Variants in RPS6KA3 observed in about 807,000 individuals in gnomAD.
RPS6KA3 encodes ribosomal protein S6 kinase A3.
RPS6KA3 carries 4 observed loss-of-function variants against 67.2 expected under a neutral mutation model. The ratio of observed to expected loss-of-function variants is 0.06; its 90% CI spans 0.03 to 0.14. The LOEUF is 0.14. Ranked by LOEUF, RPS6KA3 falls within the 10% of genes least tolerant of loss-of-function variation. The pLI is 1.00. For missense variants in RPS6KA3, 204 were observed against 559.0 expected (o/e 0.36, Z 6.40); for synonymous variants, 182 against 183.7 (o/e 0.99, Z 0.07).
At chrX:20,166,752 C>A (rs1449005971) in intron 17 of RPS6KA3, among the ~76,000 whole-genome samples, 1 of 83,456 alleles carries the variant, frequency 1.2e-5, no homozygotes, top group African/African-American at 4.7e-5. Context: ...GAGTCTCACT[C>A]TGTTGCCCAG....
chrX:20,218,257 T>C (rs2068905652), intron 2 of RPS6KA3, among the ~76,000 whole-genome samples: 1 of 112,099 alleles, frequency 8.9e-6, no homozygotes, highest in Non-Finnish European at 1.9e-5. Context: ...TCTTTGAAAA[T>C]TGTTCCTACT....
upstream of RPS6KA3, chrX:20,266,951 C>G (rs1363621202): frequency 1.2e-5 from 9 of 724,513 alleles, no homozygotes; most frequent in East Asian, 1.6e-4. Context: ...CTCCGCCCCC[C>G]CCGCCGGTTC....
chrX:20,195,223 T>C lies in RPS6KA3; in HGVS notation c.326-78A>G, dbSNP rs1385991199. 1.8e-5 allele frequency: 12 copies of C among 662,917 alleles called. No individual in the cohort carries two copies. In the East Asian group the frequency reaches 4.1e-4, roughly 23 times the overall value. The allele number at this position is 662,917 out of a possible 1,213,427, so 54.6% of individuals were successfully genotyped here. On this transcript the variant is annotated intron_variant, in intron 4 of 21. Coordinates refer to ENST00000379565, the MANE Select transcript of RPS6KA3 (RefSeq NM_004586.3). ...CAAAACAAATTCTTTTTGGTGCCCATGTTAAATAAAATTTTGCTTATGTGT... is the reference window on the plus strand; with the variant it reads ...CAAAACAAATTCTTTTTGGTGCCCACGTTAAATAAAATTTTGCTTATGTGT...
intron 3 of RPS6KA3, among the ~76,000 whole-genome samples, chrX:20,205,522 C>T (rs1324621660): frequency 4.5e-5 from 5 of 112,191 alleles, no homozygotes; most frequent in African/African-American, 1.3e-4. Context: ...CACCACAACT[C>T]GCGGAGAAAC....
At chrX:20,179,818 T>C (rs1345887649) in intron 10 of RPS6KA3, among the ~76,000 whole-genome samples, 1 of 111,268 alleles carries the variant, frequency 9.0e-6, no homozygotes, top group Non-Finnish European at 1.9e-5. Flanking sequence ...GGCTGGTGCA[T>C]AGTGGCTCAT....
Position 20,163,051 on chromosome X carries a change from T to C in RPS6KA3, c.1765-11A>G. The C allele has an allele frequency of 9.0e-7, 1 of 1,107,687 alleles. No individual in the cohort carries two copies. The highest frequency in any genetic ancestry group is 1.2e-6 in the Non-Finnish European group (1 of 800,970). The allele number at this position is 1,107,687 out of a possible 1,213,427, so 91.3% of individuals were successfully genotyped here. ...TTGTCTTTTTAAAACCTAGAAAAAG[T>C]GCAAAATTAGTATTACTATACCACC... On this transcript the variant is annotated splice_polypyrimidine_tract_variant and intron_variant, in intron 18 of 21. Transcript: ENST00000379565.
chrX:20,175,556 T>C (rs1244840532), intron 13 of RPS6KA3, among the ~76,000 whole-genome samples: 1 of 111,665 alleles, frequency 9.0e-6, no homozygotes, highest in African/African-American at 3.3e-5. Context: ...AATTATAGGG[T>C]TAATGGTATT....
Position 20,155,066 on chromosome X carries a change from A to G in RPS6KA3, c.*332T>C. 1 of 266,190 alleles carries G rather than the reference A, an allele frequency of 3.8e-6. No individual in the cohort carries two copies. Among genetic ancestry groups the G allele is most frequent in the Non-Finnish European group, 6.9e-6 (1 of 145,664 alleles). The allele number at this position is 266,190 out of a possible 1,213,427, so 21.9% of individuals were successfully genotyped here. The stretch of plus-strand genomic sequence containing the variant: ...AAAGAATATTTAAGGGACATGAAAT[A>G]TTTCCTATAAAAATAATGCTATATG... On this transcript the variant is annotated 3_prime_UTR_variant, in exon 22 of 22. Coordinates refer to ENST00000379565, the MANE Select transcript of RPS6KA3 (RefSeq NM_004586.3).
chrX:20,216,711 A>G (rs1242583285), intron 2 of RPS6KA3, among the ~76,000 whole-genome samples: 1 of 111,024 alleles, frequency 9.0e-6, no homozygotes, highest in Non-Finnish European at 1.9e-5. Context: ...GAGAGGGACA[A>G]GCCAGTACAA....
intron 20 of RPS6KA3, among the ~76,000 whole-genome samples, chrX:20,160,930 T>C (rs935246492): frequency 9.0e-6 from 1 of 110,912 alleles, no homozygotes; most frequent in Non-Finnish European, 1.9e-5. Context: ...ATCCTCTTTA[T>C]CTACTCTGTT....
upstream of RPS6KA3, chrX:20,266,987 G>A (rs1236281162): frequency 2.7e-6 from 2 of 751,795 alleles, no homozygotes; most frequent in Non-Finnish European, 3.1e-6. Flanking sequence ...GCAGAACAGC[G>A]ACCGCCGCGC....
At chrX:20,217,033 G>A (rs2068872777) in intron 2 of RPS6KA3, among the ~76,000 whole-genome samples, 1 of 111,784 alleles carries the variant, frequency 8.9e-6, no homozygotes, top group Non-Finnish European at 1.9e-5. Flanking sequence ...GACCCCTGAT[G>A]GATAAAACAA....
intron 4 of RPS6KA3, 59 bp downstream of exon 4, chrX:20,203,963 A>G: frequency 2.3e-6 from 2 of 864,810 alleles, no homozygotes; most frequent in Middle Eastern, 2.7e-4. Context: ...CATGAGCTCT[A>G]TTGAGACCTT....
chrX:20,156,017 T>C (rs2067180012), intron 21 of RPS6KA3, 92 bp downstream of exon 21: 1 of 966,053 alleles, frequency 1.0e-6, no homozygotes, highest in East Asian at 3.1e-5. Flanking sequence ...GGATGCAGGA[T>C]GAAAGAGAAA....
At chrX:20,227,660 T>C (rs1164215494) in intron 2 of RPS6KA3, among the ~76,000 whole-genome samples, 1 of 110,176 alleles carries the variant, frequency 9.1e-6, no homozygotes, top group Non-Finnish European at 1.9e-5. Flanking sequence ...ATCTGGAGAC[T>C]CATGGTCCTC....
chrX:20,169,614 T>G (rs777490713), intron 15 of RPS6KA3, 123 bp from the exon 16 acceptor site: 2 of 543,770 alleles, frequency 3.7e-6, no homozygotes, highest in Non-Finnish European at 6.6e-6. Context: ...CATTTATCAG[T>G]CAGTTTTATT....
chrX:20,231,963 C>T (rs1442539114), intron 2 of RPS6KA3, among the ~76,000 whole-genome samples: 1 of 111,152 alleles, frequency 9.0e-6, no homozygotes, highest in Non-Finnish European at 1.9e-5. Flanking sequence ...AAGCAGGAAA[C>T]TGATACAAGG....
At chrX:20,178,636 CTTTTTTTT>C (rs757383642) in intron 10 of RPS6KA3, among the ~76,000 whole-genome samples, 550 of 39,426 alleles carry the variant, frequency 0.014, 1 homozygote, top group African/African-American at 0.016. Flanking sequence ...CCACACCTGG[CTTTTTTTT>C]TTTTTTTTTT....
intron 4 of RPS6KA3, among the ~76,000 whole-genome samples, chrX:20,198,347 A>G (rs1424364483): frequency 3.6e-5 from 4 of 112,325 alleles, no homozygotes; most frequent in African/African-American, 6.5e-5. Flanking sequence ...AATCTTTCCA[A>G]TCAGCTTTCT....
Sources: gnomAD v4.1 joint callset for allele counts (sites outside exome capture counted in the v4.1 genomes callset) on GRCh38, gnomAD v4.1.1 for gene constraint, MANE v1.5 for transcripts, NCBI Gene and HGNC (gene_info 2026-07-23, HGNC 2026-07-21) for gene names.